DIXDC1: variants seen among roughly 807,000 people sequenced by gnomAD.
The protein encoded by DIXDC1 is DIX domain containing 1.
DIXDC1 carries 64 observed loss-of-function variants against 103.1 expected under a neutral mutation model. The ratio of observed to expected loss-of-function variants is 0.62; its 90% CI spans 0.51 to 0.76. The LOEUF (loss-of-function observed/expected upper bound fraction) is 0.76, where lower values mean the gene tolerates loss of function less well. DIXDC1 is among the 30% of genes least tolerant of loss of function. DIXDC1 has a pLI of 0.00. For missense variants in DIXDC1, 759 were observed against 834.2 expected (o/e 0.91, Z 1.11); for synonymous variants, 266 against 298.5 (o/e 0.89, Z 1.12).
chr11:111,984,708 G>C (rs1376954601), intron 7 of DIXDC1, among the ~76,000 whole-genome samples: 1 of 152,168 alleles, frequency 6.6e-6, no homozygotes, highest in African/African-American at 2.4e-5. Flanking sequence ...AATGAATGAG[G>C]ACATCTCTCT....
intron 1 of DIXDC1, among the ~76,000 whole-genome samples, chr11:111,927,805 C>T (rs1015961380): frequency 4.0e-5 from 6 of 151,600 alleles, no homozygotes; most frequent in Non-Finnish European, 7.4e-5. Flanking sequence ...TCACTGAGGT[C>T]TGGAGTTCGA....
intron 17 of DIXDC1, among the ~76,000 whole-genome samples, chr11:112,004,357 T>C (rs1200474849): frequency 2.6e-5 from 4 of 152,066 alleles, no homozygotes; most frequent in Non-Finnish European, 5.9e-5. Context: ...CTTAAGCCAC[T>C]GTGGAAGCGA....
Position 111,985,299 on chromosome 11 carries a change from G to T in DIXDC1, c.986G>T (p.Gly329Val), listed in dbSNP as rs371156857. ...AGGCCCTTGGCCCTCTGTGAACCAGGTGTCAATCCCGAGGAACAACTGGTG... is the reference window on the plus strand; with the variant it reads ...AGGCCCTTGGCCCTCTGTGAACCAGTTGTCAATCCCGAGGAACAACTGGTG... ...QERPLALCEPGVNPEEQLIII... is the reference protein window; with the variant it reads ...QERPLALCEPVVNPEEQLIII... The change falls in exon 8 of 20, where the codon GGT becomes GTT. Residue 329 changes from glycine to valine, a missense_variant. Around this residue, in one of 3 missense-constraint regions of DIXDC1, gnomAD observed 657 missense variants for 727.5 expected, o/e 0.90. Coordinates refer to ENST00000440460, the MANE Select transcript of DIXDC1 (RefSeq NM_001037954.4). The T allele has an allele frequency of 8.7e-6, 14 of 1,613,248 alleles. No individual in the cohort carries two copies. The African/African-American group carries it at 1.7e-4, about 20-fold the overall frequency.
At chr11:111,967,504 TCA>T (rs1555171688) in intron 2 of DIXDC1, among the ~76,000 whole-genome samples, 11 of 152,238 alleles carry the variant, frequency 7.2e-5, no homozygotes, top group Non-Finnish European at 1.3e-4. Flanking sequence ...GCCCAAACCA[TCA>T]TGTCCTGCCT....
In DIXDC1 at chr11:111,985,270, G is replaced by A. The variant is rs1555173700; in HGVS notation, c.957G>A (p.Gln319=). 6.2e-7 allele frequency: 1 copy of A among 1,613,762 alleles called. No individual in the cohort carries two copies. Among genetic ancestry groups the A allele is most frequent in the Admixed American group, 1.7e-5 (1 of 59,982 alleles). ...LLNGSLPEDE[Q]ERPLALCEPG... is the part of the protein sequence containing the mutation. The stretch of plus-strand genomic sequence containing the variant: ...ATGGATCCTTACCTGAAGATGAACA[G>A]GAGAGGCCCTTGGCCCTCTGTGAAC... The change falls in exon 8 of 20, where the codon CAG becomes CAA. Residue 319 remains glutamine, a synonymous_variant. Transcript: ENST00000440460.
chr11:112,016,908 G>T, intron 18 of DIXDC1, 112 bp downstream of exon 18: 1 of 853,768 alleles, frequency 1.2e-6, no homozygotes, highest in Non-Finnish European at 1.8e-6. Context: ...AGTATAGTGA[G>T]ATCTCACTAT....
chr11:112,007,517 A>T (rs1049801875), intron 17 of DIXDC1, among the ~76,000 whole-genome samples: 12 of 152,222 alleles, frequency 7.9e-5, no homozygotes, highest in Non-Finnish European at 1.5e-5. Flanking sequence ...AGATTCACCA[A>T]GGTGGAAATG....
chr11:111,960,603 AAAAAAAGAAAAG>A (rs1321137031), intron 1 of DIXDC1, among the ~76,000 whole-genome samples: 1 of 151,932 alleles, frequency 6.6e-6, no homozygotes, highest in Non-Finnish European at 1.5e-5. Context: ...TTAAAAAAAA[AAAAAAAGAAAAG>A]AAAAAGAAAA....
In DIXDC1 at chr11:111,993,015, A is replaced by G. The variant is rs782269749; in HGVS notation, c.1272+11A>G. 5.6e-6 allele frequency: 9 copies of G among 1,594,974 alleles called. No homozygotes were observed. Among genetic ancestry groups the G allele is most frequent in the Non-Finnish European group, 7.7e-6 (9 of 1,170,414 alleles). On this transcript the variant is annotated intron_variant, in intron 12 of 19. Coordinates refer to ENST00000440460, the MANE Select transcript of DIXDC1 (RefSeq NM_001037954.4). ...TTGGGAGAATATAAAGTAAGAATGA[A>G]TATCAGTTTGGAAATGACTTCCACT...
intron 5 of DIXDC1, among the ~76,000 whole-genome samples, chr11:111,978,588 C>CCCTTA (rs749624989): frequency 1.3e-5 from 2 of 152,188 alleles, no homozygotes; most frequent in African/African-American, 2.4e-5. Context: ...CCTCCTTCTG[C>CCCTTA]CCTTATATGG....
upstream of DIXDC1, chr11:111,937,127 C>CGGGGG (rs200146124): frequency 1.8e-3 from 955 of 518,576 alleles, 5 homozygotes; most frequent in East Asian, 4.5e-3. Flanking sequence ...TGCTGCGGCC[C>CGGGGG]GGGCGGGGGG....
chr11:112,013,588 C>T (rs1227668161), intron 17 of DIXDC1, among the ~76,000 whole-genome samples: 1 of 152,082 alleles, frequency 6.6e-6, no homozygotes, highest in Non-Finnish European at 1.5e-5. Context: ...TATCTGTCTT[C>T]CCAGGTTGTA....
At chr11:111,982,900 C>T (rs192676130) in intron 7 of DIXDC1, among the ~76,000 whole-genome samples, 5 of 152,318 alleles carry the variant, frequency 3.3e-5, no homozygotes, top group Admixed American at 1.3e-4. Context: ...GTAATGCTGC[C>T]AGGTTTCCAT....
intron 7 of DIXDC1, among the ~76,000 whole-genome samples, chr11:111,983,694 C>A (rs1860399703): frequency 6.6e-6 from 1 of 152,096 alleles, no homozygotes; most frequent in Non-Finnish European, 1.5e-5. Flanking sequence ...TTTGCATTTT[C>A]TTAGTCTGGG....
chr11:111,943,646 C>G (rs587629277), intron 1 of DIXDC1, among the ~76,000 whole-genome samples: 2 of 151,910 alleles, frequency 1.3e-5, no homozygotes, highest in African/African-American at 4.8e-5. Flanking sequence ...ACTATAGATG[C>G]GTGCCACCAC....
intron 1 of DIXDC1, among the ~76,000 whole-genome samples, chr11:111,950,410 G>GTGTATATATATA (rs1966741128): frequency 4.0e-5 from 1 of 25,034 alleles, no homozygotes; most frequent in African/African-American, 1.1e-4. Context: ...TACAAAGTAG[G>GTGTATATATATA]TATATATATA....
At chr11:111,952,676 C>T (rs773224790) in intron 1 of DIXDC1, among the ~76,000 whole-genome samples, 14 of 152,028 alleles carry the variant, frequency 9.2e-5, no homozygotes, top group South Asian at 4.2e-4. Flanking sequence ...CAAAGTTAGC[C>T]GGCTGTGGTG....
chr11:112,013,786 G>A (rs905038873), intron 17 of DIXDC1, among the ~76,000 whole-genome samples: 1 of 152,150 alleles, frequency 6.6e-6, no homozygotes, highest in Non-Finnish European at 1.5e-5. Context: ...AGTCAGTTGA[G>A]TGTTGCCATA....
At chr11:112,005,542 A>C (rs1391104300) in intron 17 of DIXDC1, among the ~76,000 whole-genome samples, 1 of 151,964 alleles carries the variant, frequency 6.6e-6, no homozygotes, top group African/African-American at 2.4e-5. Flanking sequence ...CAAAAAAATA[A>C]AAAAAATTAG....
Sources: allele counts gnomAD v4.1 joint callset (sites outside exome capture counted in the v4.1 genomes callset), GRCh38; gene constraint gnomAD v4.1.1; regional missense constraint gnomAD v4.1.1; transcripts MANE v1.5; gene names NCBI Gene and HGNC (gene_info 2026-07-23, HGNC 2026-07-21).